Variants in CBLN2 observed in about 807,000 individuals in gnomAD.
CBLN2 encodes cerebellin 2 precursor.
CBLN2 carries 7 observed loss-of-function variants against 15.0 expected under a neutral mutation model. The observed-to-expected ratio is 0.47, with a 90% CI of 0.27 to 0.88. The LOEUF (loss-of-function observed/expected upper bound fraction) is 0.88. Among genes scored for constraint, CBLN2 ranks in the 40% least tolerant of loss-of-function variants. CBLN2 has a pLI of 0.14. For synonymous variants in CBLN2, 149 were observed against 135.2 expected (o/e 1.10, Z -0.71); for missense variants, 242 against 304.5 (o/e 0.79, Z 1.53).
At chr18:72,584,229 C>CT (rs2069425852) in intron 1 of CBLN2, among the ~76,000 whole-genome samples, 1 of 152,078 alleles carries the variant, frequency 6.6e-6, no homozygotes, top group Non-Finnish European at 1.5e-5. Context: ...TTCATGAACT[C>CT]TTAGTCAGTG....
chr18:72,571,858 G>T (rs889929766), intron 1 of CBLN2, among the ~76,000 whole-genome samples: 1 of 151,886 alleles, frequency 6.6e-6, no homozygotes, highest in East Asian at 1.9e-4. Flanking sequence ...GATTTTTTTT[G>T]ATATATTATT....
chr18:72,608,723 C>A (rs1405984207), intron 1 of CBLN2, among the ~76,000 whole-genome samples: 1 of 152,114 alleles, frequency 6.6e-6, no homozygotes, highest in East Asian at 1.9e-4. Flanking sequence ...GGTGTTGGGG[C>A]TGAGGGGCAG....
At position 72,538,381 on chromosome 18, in the gene CBLN2, G is replaced by A. The variant is rs1359347584; in HGVS notation, c.478-8C>T. 7 of 1,613,866 alleles carry A rather than the reference G, an allele frequency of 4.3e-6. No individual in the cohort carries two copies. The highest frequency in any genetic ancestry group is 2.7e-5 in the African/African-American group (2 of 74,914). On this transcript the variant is annotated splice_polypyrimidine_tract_variant and splice_region_variant and intron_variant, in intron 4 of 4. Coordinates refer to ENST00000269503, the MANE Select transcript of CBLN2 (RefSeq NM_182511.4). ...ATTCTGCATTAAACTGACCTAAAATGCAGAGAGTAGAGCTCAGCAGACCAT... is the reference window on the plus strand; with the variant it reads ...ATTCTGCATTAAACTGACCTAAAATACAGAGAGTAGAGCTCAGCAGACCAT...
chr18:72,627,118 A>C (rs905412226), intron 1 of CBLN2, among the ~76,000 whole-genome samples: 1 of 152,252 alleles, frequency 6.6e-6, no homozygotes, highest in Non-Finnish European at 1.5e-5. Flanking sequence ...TATTAAAAAA[A>C]TGAGTATCTA....
At chr18:72,544,973 C>CTAATAATAA (rs3841257), upstream of CBLN2, among the ~76,000 whole-genome samples, 16,617 of 147,108 alleles carry the variant, frequency 0.11, 1,006 homozygotes, top group Admixed American at 0.17. Flanking sequence ...TTCTGATAGG[C>CTAATAATAA]TAATAATAAT....
intron 1 of CBLN2, among the ~76,000 whole-genome samples, chr18:72,613,643 A>C (rs1443849057): frequency 6.6e-6 from 1 of 152,116 alleles, no homozygotes; most frequent in Non-Finnish European, 1.5e-5. Flanking sequence ...GGGAATGTCA[A>C]AGAAGACAAA....
intron 1 of CBLN2, among the ~76,000 whole-genome samples, chr18:72,559,220 G>A (rs933220504): frequency 1.3e-5 from 2 of 152,164 alleles, no homozygotes; most frequent in African/African-American, 2.4e-5. Flanking sequence ...GATGTTTTGT[G>A]ACCTGCAATA....
intron 1 of CBLN2, among the ~76,000 whole-genome samples, chr18:72,578,978 T>C (rs967025952): frequency 3.9e-5 from 6 of 152,212 alleles, no homozygotes; most frequent in Non-Finnish European, 8.8e-5. Context: ...TGTGTCACTA[T>C]CTCTCTGAGA....
rs780466365 is a variant in CBLN2, at chr18:72,542,134, G to T, written c.27C>A (p.Leu9=). Residue 9 remains leucine, a synonymous_variant, in exon 3 of 5, where the codon CTC becomes CTA. Coordinates refer to ENST00000269503, the MANE Select transcript of CBLN2 (RefSeq NM_182511.4). The stretch of plus-strand genomic sequence containing the variant: ...GCCCGGGCATCATCAGCCGCAGCCC[G>T]AGTGGCCCCCGGCCGGGCGCCTGCA... MQAPGRGP[L]GLRLMMPGRR... The T allele has an allele frequency of 2.6e-5, 35 of 1,349,592 alleles. No homozygotes were observed. The highest frequency in any genetic ancestry group is 3.3e-5 in the Non-Finnish European group (35 of 1,060,336). 83.6% of individuals were successfully genotyped at this position (1,349,592 alleles called of 1,614,324 possible).
At chr18:72,636,331 A>G (rs1293027479) in intron 1 of CBLN2, among the ~76,000 whole-genome samples, 1 of 152,214 alleles carries the variant, frequency 6.6e-6, no homozygotes, top group Non-Finnish European at 1.5e-5. Context: ...CTGATTATTT[A>G]GCAAGTCACA....
intron 1 of CBLN2, among the ~76,000 whole-genome samples, chr18:72,597,948 C>G (rs2069523813): frequency 6.6e-6 from 1 of 152,154 alleles, no homozygotes; most frequent in Non-Finnish European, 1.5e-5. Flanking sequence ...CTTGGGTTCC[C>G]CTTTGGCCCA....
At chr18:72,553,519 G>A (rs1459557955) in intron 1 of CBLN2, among the ~76,000 whole-genome samples, 5 of 151,974 alleles carry the variant, frequency 3.3e-5, no homozygotes, top group South Asian at 2.1e-4. Flanking sequence ...CAGATTATAC[G>A]TGTACATATA....
chr18:72,635,354 T>G (rs4892020), intron 1 of CBLN2, among the ~76,000 whole-genome samples: 1 of 151,894 alleles, frequency 6.6e-6, no homozygotes, highest in Non-Finnish European at 1.5e-5. Flanking sequence ...ACACAAAAAT[T>G]TGTTTTTATT....
chr18:72,546,703 G>A (rs1191993611), upstream of CBLN2, among the ~76,000 whole-genome samples: 6 of 152,120 alleles, frequency 3.9e-5, 1 homozygote, highest in South Asian at 8.3e-4. Flanking sequence ...CATGTCTTTT[G>A]TCTGGGATAT....
At chr18:72,583,727 T>C (rs901602931) in intron 1 of CBLN2, among the ~76,000 whole-genome samples, 1 of 152,220 alleles carries the variant, frequency 6.6e-6, no homozygotes, top group South Asian at 2.1e-4. Context: ...TTACCACTTA[T>C]AGTAATAATG....
At chr18:72,552,608 C>T (rs1460963603) in intron 1 of CBLN2, 2 of 152,044 alleles carry the variant, frequency 1.3e-5, no homozygotes, top group Non-Finnish European at 2.9e-5. Context: ...CCACGTTCTC[C>T]TTTTTCACAA....
upstream of CBLN2, among the ~76,000 whole-genome samples, chr18:72,547,957 T>G (rs1271609572): frequency 1.3e-5 from 2 of 152,236 alleles, no homozygotes; most frequent in South Asian, 4.1e-4. Context: ...TTCTGCTCGC[T>G]CTTACCAGAA....
rs1055414148 is a variant in CBLN2 at position 72,602,285 on chromosome 18, A to G, written c.15+36040T>C. On this transcript the variant is annotated intron_variant, in intron 1 of 2. Transcript: ENST00000581073. ...ACTGCAATAAGGGAGGGGATGGTGG[A>G]CGGCAAAGCCTGTTGCCGGCGGCTG... 3.3e-5 allele frequency among the ~76,000 whole-genome samples: 5 copies of G among 152,200 alleles called. No homozygotes were observed. In the East Asian group the frequency reaches 5.8e-4, roughly 18 times the overall value.
chr18:72,614,426 CTTTTA>C (rs960813827), intron 1 of CBLN2, among the ~76,000 whole-genome samples: 12 of 152,060 alleles, frequency 7.9e-5, no homozygotes, highest in Admixed American at 5.9e-4. Flanking sequence ...GTGATTTCTT[CTTTTA>C]TTTAATTCAA....
Sources: allele counts gnomAD v4.1 joint callset (sites outside exome capture counted in the v4.1 genomes callset), GRCh38; gene constraint gnomAD v4.1.1; transcripts MANE v1.5; gene names NCBI Gene and HGNC (gene_info 2026-07-23, HGNC 2026-07-21).